The following CLVS1 variants were observed in gnomAD, a reference collection of about 807,000 sequenced individuals.
CLVS1 encodes the protein clavesin 1.
A neutral mutation model predicts 33.1 loss-of-function variants in CLVS1; 10 were observed. That is an observed-to-expected ratio of 0.30 (90% confidence interval 0.19 to 0.51). CLVS1 has a LOEUF of 0.51. Ranked by LOEUF, CLVS1 falls within the 20% of genes least tolerant of loss-of-function variation. The pLI is 0.97. For synonymous variants in CLVS1, 163 were observed against 166.1 expected, an observed-to-expected ratio of 0.98 and a Z score of 0.14; for missense variants, 343 against 433.4, an observed-to-expected ratio of 0.79 and a Z score of 1.85.
chr8:61,049,157 G>A, the CLVS1 span, among the ~76,000 whole-genome samples: 1 of 152,166 alleles, frequency 6.6e-6, no homozygotes, highest in Non-Finnish European at 1.5e-5. Flanking sequence ...ATTATAGGAA[G>A]GGAAGAGATG....
chr8:61,040,804 T>G, the CLVS1 span, among the ~76,000 whole-genome samples: 4,301 of 152,316 alleles, frequency 0.028, 207 homozygotes, highest in African/African-American at 0.098. Flanking sequence ...GTTGATAGTT[T>G]CTTTCACCGT....
intron 1 of CLVS1, among the ~76,000 whole-genome samples, chr8:61,096,849 C>T (rs1805360183): frequency 6.6e-6 from 1 of 152,114 alleles, no homozygotes; most frequent in Non-Finnish European, 1.5e-5. Context: ...GATTCCTACC[C>T]CTCACCCCAA....
At chr8:61,215,676 TTGAAAATGTGTGTGTGTGTGTGTGTGTG>T (rs1808067156) in intron 2 of CLVS1, among the ~76,000 whole-genome samples, 1 of 138,390 alleles carries the variant, frequency 7.2e-6, no homozygotes, top group Non-Finnish European at 1.6e-5. Context: ...GGCCCTGAAA[TTGAAAATGTGTGTGTGTGTGTGTGTGTG>T]TGTGTGTGTG....
intron 5 of CLVS1, among the ~76,000 whole-genome samples, chr8:61,476,984 T>A (rs1342794093): frequency 6.6e-6 from 1 of 152,168 alleles, no homozygotes; most frequent in Non-Finnish European, 1.5e-5. Flanking sequence ...CAATACCTAA[T>A]TTATTGAGAG....
the CLVS1 span, among the ~76,000 whole-genome samples, chr8:61,046,780 G>A: frequency 6.6e-6 from 1 of 151,192 alleles, no homozygotes; most frequent in Admixed American, 6.6e-5. Flanking sequence ...TCATGATTTG[G>A]CTCTCTGTTT....
chr8:61,324,093 G>T (rs182074396), intron 2 of CLVS1, among the ~76,000 whole-genome samples: 64 of 152,184 alleles, frequency 4.2e-4, no homozygotes, highest in African/African-American at 1.5e-3. Flanking sequence ...GAATAGTGCT[G>T]CAATGAACAT....
the CLVS1 span, among the ~76,000 whole-genome samples, chr8:61,018,314 A>G: frequency 6.6e-6 from 1 of 152,206 alleles, no homozygotes; most frequent in East Asian, 1.9e-4. Flanking sequence ...TAATGTGATA[A>G]GTTTCAAATA....
intron 1 of CLVS1, among the ~76,000 whole-genome samples, chr8:61,129,011 C>G (rs1034784141): frequency 6.6e-6 from 1 of 152,172 alleles, no homozygotes; most frequent in Non-Finnish European, 1.5e-5. Context: ...GCATTTGATA[C>G]TGTTCCAGCA....
At chr8:61,078,598 G>A (rs952016147) in intron 1 of CLVS1, among the ~76,000 whole-genome samples, 1 of 152,128 alleles carries the variant, frequency 6.6e-6, no homozygotes, top group African/African-American at 2.4e-5. Flanking sequence ...ATTCTGAAAC[G>A]GATTGGATTT....
At chr8:61,077,148 A>T (rs183125957) in intron 1 of CLVS1, among the ~76,000 whole-genome samples, 77 of 151,468 alleles carry the variant, frequency 5.1e-4, no homozygotes, top group Non-Finnish European at 6.2e-4. Flanking sequence ...ATCTCGGCTC[A>T]CTGCAAGCTC....
chr8:61,191,529 A>G (rs1035565558), intron 2 of CLVS1, among the ~76,000 whole-genome samples: 5 of 152,200 alleles, frequency 3.3e-5, no homozygotes, highest in African/African-American at 1.2e-4. Flanking sequence ...GGCCAGGGCA[A>G]TTAGGCAGGA....
intron 3 of CLVS1, among the ~76,000 whole-genome samples, chr8:61,403,665 A>G (rs1002206580): frequency 6.6e-6 from 1 of 152,178 alleles, no homozygotes; most frequent in African/African-American, 2.4e-5. Context: ...CTGGAAAAGG[A>G]TGGGGACAAG....
intron 2 of CLVS1, among the ~76,000 whole-genome samples, chr8:61,207,940 T>G (rs1258193551): frequency 6.6e-6 from 1 of 152,226 alleles, no homozygotes; most frequent in African/African-American, 2.4e-5. Context: ...CTGACTGATA[T>G]TTCAAGAAGC....
chr8:61,180,708 C>T (rs1807211740), intron 2 of CLVS1, among the ~76,000 whole-genome samples: 1 of 152,186 alleles, frequency 6.6e-6, no homozygotes, highest in African/African-American at 2.4e-5. Context: ...TAAACGTAAT[C>T]CATCACATAA....
chr8:61,058,766 A>G (rs1031823080), intron 1 of CLVS1, among the ~76,000 whole-genome samples: 1 of 151,896 alleles, frequency 6.6e-6, no homozygotes, highest in Admixed American at 6.6e-5. Context: ...CATTTTCTAG[A>G]ATTTGATATA....
At chr8:61,339,415 A>T (rs1393324032) in intron 2 of CLVS1, among the ~76,000 whole-genome samples, 1 of 152,024 alleles carries the variant, frequency 6.6e-6, no homozygotes, top group Non-Finnish European at 1.5e-5. Context: ...GCAATTAAGA[A>T]CCAAGTGGAG....
At chr8:61,466,899 T>C (rs536733057) in intron 5 of CLVS1, among the ~76,000 whole-genome samples, 3 of 152,296 alleles carry the variant, frequency 2.0e-5, no homozygotes, top group South Asian at 2.1e-4. Flanking sequence ...TCCACCTGCC[T>C]CAGCCTCCTA....
rs550557954 is a variant in CLVS1, at chr8:61,330,912, A to G, written c.455+30630A>G. On this transcript the variant is annotated intron_variant, in intron 2 of 5. Transcript: ENST00000325897. ...CAAGACCAGCCTGGGCAACATACTG[A>G]AGCCCCATTTCAAAAAAAAAAAAAA... 1.4e-4 allele frequency among the ~76,000 whole-genome samples: 21 copies of G among 151,484 alleles called. 1 individual carries two copies. The South Asian group carries it at 3.2e-3, about 23-fold the overall frequency.
At chr8:61,249,121 G>A (rs1808880771) in intron 2 of CLVS1, among the ~76,000 whole-genome samples, 1 of 152,062 alleles carries the variant, frequency 6.6e-6, no homozygotes. Flanking sequence ...GTGTCCATGT[G>A]TTCTCATTGT....
Sources: gnomAD v4.1 joint callset for allele counts (sites outside exome capture counted in the v4.1 genomes callset) on GRCh38, gnomAD v4.1.1 for gene constraint, MANE v1.5 for transcripts, NCBI Gene and HGNC (gene_info 2026-07-23, HGNC 2026-07-21) for gene names.